The following SLC6A9 variants were observed in gnomAD, a reference collection of about 807,000 sequenced individuals.
SLC6A9 encodes solute carrier family 6 member 9.
Under a neutral mutation model 70.9 loss-of-function variants are expected in SLC6A9, and 31 were observed. The observed-to-expected ratio is 0.44, with a 90% CI of 0.33 to 0.59. The LOEUF (loss-of-function observed/expected upper bound fraction) is 0.59. SLC6A9 is among the 20% of genes least tolerant of loss of function. SLC6A9 has a pLI of 0.04. For synonymous variants in SLC6A9, 310 were observed against 341.3 expected (o/e 0.91, Z 1.01); for missense variants, 631 against 845.2 (o/e 0.75, Z 3.14).
chr1:44,030,453 C>G (rs2087085925), intron 1 of SLC6A9: 1 of 152,064 alleles, frequency 6.6e-6, no homozygotes, highest in Admixed American at 6.6e-5. Flanking sequence ...TGCTCGAGAT[C>G]TGCAGTGGCT....
Position 44,002,696 on chromosome 1 carries a change from GCAC to G in SLC6A9, c.724-53_724-51del, listed in dbSNP as rs2086162741. 3 of 1,609,910 alleles carry G rather than the reference GCAC, an allele frequency of 1.9e-6. No homozygotes were observed. Among genetic ancestry groups the G allele is most frequent in the Admixed American group, 1.7e-5 (1 of 59,952 alleles). On this transcript the variant is annotated intron_variant, in intron 6 of 13. Transcript: ENST00000372310. The surrounding 1 kb of genome is among the most constrained non-coding windows in gnomAD (Gnocchi z 5.5). The stretch of plus-strand genomic sequence containing the variant: ...TCTTCTGGGCTCTCCCCTCCCCTGG[GCAC>G]CACCACCCTGGCTCCCTAATCACCA...
intron 2 of SLC6A9, among the ~76,000 whole-genome samples, chr1:44,015,147 A>G (rs1156476845): frequency 6.6e-6 from 1 of 152,230 alleles, no homozygotes; most frequent in Non-Finnish European, 1.5e-5. Flanking sequence ...AAATTAGAAA[A>G]TACAGAAAAA....
At position 44,013,547 on chromosome 1, in the gene SLC6A9, G is replaced by A. The variant is rs946633345; in HGVS notation, c.31-2665C>T. 6.6e-6 allele frequency among the ~76,000 whole-genome samples: 1 copy of A among 152,224 alleles called. No individual in the cohort carries two copies. Among genetic ancestry groups the A allele is most frequent in the African/African-American group, 2.4e-5 (1 of 41,458 alleles). ...CAGGAAGTTTCTGACAACACTAAAGGTCTGCTGTATGCAGAGGATCCTTGC... is the reference window on the plus strand; with the variant it reads ...CAGGAAGTTTCTGACAACACTAAAGATCTGCTGTATGCAGAGGATCCTTGC... On this transcript the variant is annotated intron_variant, in intron 2 of 13. Transcript: ENST00000372310. The surrounding 1 kb of genome is among the most constrained non-coding windows in gnomAD (Gnocchi z 5.3).
At position 43,998,027 on chromosome 1, in the gene SLC6A9, T is replaced by C; in HGVS notation, c.1537-2A>G. 6.2e-7 allele frequency: 1 copy of C among 1,608,626 alleles called. No homozygotes were observed. The highest frequency in any genetic ancestry group is 8.5e-7 in the Non-Finnish European group (1 of 1,176,524). ...GATCACAGTGAAAACTAGAATAAAC[T>C]GCACGGGGCAGGTGTGGGAGTGGGC... On this transcript the variant is annotated splice_acceptor_variant, in intron 12 of 13. Coordinates refer to ENST00000372310, the MANE Select transcript of SLC6A9 (RefSeq NM_001024845.3). LOFTEE classifies it high-confidence loss of function.
chr1:44,030,675 G>A (rs998476078), intron 1 of SLC6A9: 3 of 152,270 alleles, frequency 2.0e-5, no homozygotes, highest in Non-Finnish European at 4.4e-5. Flanking sequence ...GACAAAGAGA[G>A]GCTGAGTGCG....
intron 5 of SLC6A9, among the ~76,000 whole-genome samples, 175 bp from the exon 6 acceptor site, chr1:44,003,160 C>T (rs1011972602): frequency 2.2e-4 from 33 of 152,256 alleles, no homozygotes; most frequent in African/African-American, 6.8e-4. Flanking sequence ...GTCCCCTCCA[C>T]CTGCTGCAGC....
chr1:44,030,925 C>T (rs1383359785), intron 1 of SLC6A9, among the ~76,000 whole-genome samples: 2 of 152,134 alleles, frequency 1.3e-5, no homozygotes, highest in East Asian at 1.9e-4. Flanking sequence ...GACAGTGCCA[C>T]GCTCTGGCTC....
intron 1 of SLC6A9, among the ~76,000 whole-genome samples, chr1:44,028,038 T>TA (rs1359587509): frequency 3.3e-5 from 5 of 152,272 alleles, no homozygotes; most frequent in Admixed American, 2.6e-4. Flanking sequence ...AAGATTGTGT[T>TA]ATGAGACTCT....
At position 43,997,340 on chromosome 1, in the gene SLC6A9, C is replaced by G; in HGVS notation, c.*205G>C. 1 of 581,214 alleles carries G rather than the reference C, an allele frequency of 1.7e-6. No individual in the cohort carries two copies. The allele number at this position is 581,214 out of a possible 1,614,324, so 36.0% of individuals were successfully genotyped here. On this transcript the variant is annotated 3_prime_UTR_variant, in exon 14 of 14. Transcript: ENST00000372310. This position sits in a 1 kb window ranked among gnomAD's most constrained non-coding sequence, Gnocchi z 4.4. ...CAACCCTCCACTCCCACCCCTCCCCCCAGCTGCTATCTTGGCATCCAAAGG... is the reference window on the plus strand; with the variant it reads ...CAACCCTCCACTCCCACCCCTCCCCGCAGCTGCTATCTTGGCATCCAAAGG...
At chr1:44,006,705 A>T (rs1327702066) in intron 5 of SLC6A9, among the ~76,000 whole-genome samples, 2 of 152,112 alleles carry the variant, frequency 1.3e-5, no homozygotes, top group Non-Finnish European at 2.9e-5. Context: ...AAATGAAATG[A>T]CCTGTCTGGT....
At chr1:44,004,000 A>AC (rs1557674167) in intron 5 of SLC6A9, among the ~76,000 whole-genome samples, 1 of 145,060 alleles carries the variant, frequency 6.9e-6, no homozygotes. Context: ...TGTTTGAAGG[A>AC]TTTTTTTTTT....
At chr1:44,030,848 G>T (rs2087099567) in intron 1 of SLC6A9, among the ~76,000 whole-genome samples, 1 of 152,116 alleles carries the variant, frequency 6.6e-6, no homozygotes, top group Admixed American at 6.5e-5. Context: ...CGCACGCTGG[G>T]TGCAGGCACG....
chr1:44,030,886 A>G (rs1352049226), intron 1 of SLC6A9, among the ~76,000 whole-genome samples: 1 of 152,050 alleles, frequency 6.6e-6, no homozygotes, highest in Non-Finnish European at 1.5e-5. Context: ...GCAGGCCCCC[A>G]GAGCGCAGAA....
At chr1:44,008,673 A>T in intron 4 of SLC6A9, 50 bp from the exon 5 acceptor site, 3 of 1,393,882 alleles carry the variant, frequency 2.2e-6, no homozygotes, top group Non-Finnish European at 3.0e-6. Context: ...CAGCAGGAGG[A>T]GGTGAGGTTA....
intron 2 of SLC6A9, among the ~76,000 whole-genome samples, chr1:44,022,700 TTC>T (rs2086905475): frequency 1.1e-5 from 1 of 89,796 alleles, no homozygotes; most frequent in South Asian, 3.0e-4. Context: ...TTTTTAATTT[TTC>T]TTTCTTTCTT....
intron 1 of SLC6A9, among the ~76,000 whole-genome samples, chr1:44,026,488 G>A (rs1168331966): frequency 2.0e-5 from 3 of 152,038 alleles, no homozygotes; most frequent in Admixed American, 2.0e-4. Context: ...GCGAAATCCC[G>A]TCTCTACTAA....
Position 44,002,929 on chromosome 1 carries a change from G to A in SLC6A9, c.647C>T (p.Pro216Leu), listed in dbSNP as rs2086173853. The A allele has an allele frequency of 1.2e-6, 2 of 1,613,572 alleles. No homozygotes were observed. The highest frequency in any genetic ancestry group is 2.7e-5 in the African/African-American group (2 of 74,902). The change falls in exon 6 of 14, where the codon CCC becomes CTC. Residue 216 changes from proline (P) to leucine (L), a missense_variant. Transcript: ENST00000372310. This position sits in a 1 kb window ranked among gnomAD's most constrained non-coding sequence, Gnocchi z 5.5. ...GGAGACACCGAGGCAGCCAAGGAGG[G>A]GCAGCCGCACCTCCCCAAAGTTCCC... is the stretch of plus-strand genomic sequence containing the variant. ...DIGNFGEVRLPLLGCLGVSWL... is the reference protein window; with the variant it reads ...DIGNFGEVRLLLLGCLGVSWL...
At chr1:44,006,647 T>A (rs1029178481) in intron 5 of SLC6A9, among the ~76,000 whole-genome samples, 8 of 151,530 alleles carry the variant, frequency 5.3e-5, no homozygotes, top group Non-Finnish European at 1.0e-4. Flanking sequence ...GTGTATTTTT[T>A]AAAAAGAAAA....
intron 1 of SLC6A9, among the ~76,000 whole-genome samples, chr1:44,026,212 C>T (rs1404602563): frequency 6.6e-6 from 1 of 152,202 alleles, no homozygotes; most frequent in African/African-American, 2.4e-5. Flanking sequence ...CGCGGGTGTG[C>T]TCCCTTAAAA....
Sources: allele counts gnomAD v4.1 joint callset (sites outside exome capture counted in the v4.1 genomes callset), GRCh38; gene constraint gnomAD v4.1.1; non-coding constraint Gnocchi (gnomAD v3.1); transcripts MANE v1.5; gene names NCBI Gene and HGNC (gene_info 2026-07-23, HGNC 2026-07-21).